Variants in AACS observed in about 807,000 individuals in gnomAD.
AACS encodes acetoacetate-CoA ligase.
AACS carries 69 observed loss-of-function variants against 83.1 expected under a neutral mutation model. The ratio of observed to expected loss-of-function variants is 0.83; its 90% CI spans 0.68 to 1.01. The LOEUF is 1.01. Among genes scored for constraint, AACS ranks in the 50% least tolerant of loss-of-function variants. The pLI is 0.00. For synonymous variants in AACS, 333 were observed against 343.4 expected (o/e 0.97, Z 0.33); for missense variants, 866 against 882.2 (o/e 0.98, Z 0.23).
At chr12:125,112,228 A>G (rs1437148327) in intron 8 of AACS, among the ~76,000 whole-genome samples, 2 of 152,264 alleles carry the variant, frequency 1.3e-5, no homozygotes, top group African/African-American at 4.8e-5. Flanking sequence ...GAAGCTTTTG[A>G]GTGCCTGGGG....
chr12:125,095,137 TC>T (rs1956579636), intron 5 of AACS, among the ~76,000 whole-genome samples: 1 of 152,128 alleles, frequency 6.6e-6, no homozygotes, highest in Non-Finnish European at 1.5e-5. Flanking sequence ...CGTATTCAGG[TC>T]AGACACATGT....
intron 8 of AACS, among the ~76,000 whole-genome samples, chr12:125,112,845 A>G (rs7954882): frequency 6.6e-6 from 1 of 152,144 alleles, no homozygotes; most frequent in Non-Finnish European, 1.5e-5. Flanking sequence ...AATGAGAACC[A>G]AATGAAATGG....
intron 2 of AACS, 60 bp from the exon 3 acceptor site, chr12:125,076,431 T>A (rs1392711514): frequency 1.4e-5 from 22 of 1,581,642 alleles, no homozygotes; most frequent in Non-Finnish European, 1.9e-5. Context: ...GTCTCATGTT[T>A]TGCTGATCTG....
At chr12:125,131,944 C>T (rs373910097) in intron 14 of AACS, among the ~76,000 whole-genome samples, 2 of 152,206 alleles carry the variant, frequency 1.3e-5, no homozygotes, top group African/African-American at 4.8e-5. Context: ...AAAGTAAAAG[C>T]AGACTTAAGA....
rs184227647 is a variant in AACS at position 125,138,089 on chromosome 12, C to T, written c.1881+1225C>T. Among the ~76,000 whole-genome samples the T allele has an allele frequency of 7.2e-5, 11 of 152,332 alleles. No individual in the cohort carries two copies. The East Asian group carries it at 1.3e-3, about 19-fold the overall frequency. ...GGGGAGAGCGCTTGCAGCACGACAA[C>T]GGTGTGCAATCCCTGATCATCCCTG... On this transcript the variant is annotated intron_variant, in intron 17 of 17. Coordinates refer to ENST00000316519, the MANE Select transcript of AACS (RefSeq NM_023928.5).
At chr12:125,141,854 TG>T (rs1319866723) in intron 17 of AACS, 3 of 501,150 alleles carry the variant, frequency 6.0e-6, no homozygotes, top group African/African-American at 2.4e-5. Flanking sequence ...CACCAGTCCT[TG>T]AAAGTGCCTT....
chr12:125,113,713 A>T lies in AACS; in HGVS notation c.916-764A>T, dbSNP rs901910874. ...TCACAATGAACAAAATGGCATTAAT[A>T]AATATGTGCCGGCATCAGCAAGAAA... On this transcript the variant is annotated intron_variant, in intron 8 of 17. Coordinates refer to ENST00000316519, the MANE Select transcript of AACS (RefSeq NM_023928.5). This position sits in a 1 kb window ranked among gnomAD's most constrained non-coding sequence, Gnocchi z 4.8. 3.3e-5 allele frequency among the ~76,000 whole-genome samples: 5 copies of T among 152,234 alleles called. No homozygotes were observed. Among genetic ancestry groups the T allele is most frequent in the African/African-American group, 1.2e-4 (5 of 41,458 alleles).
At chr12:125,070,308 CAG>C (rs1594564857) in intron 1 of AACS, among the ~76,000 whole-genome samples, 1 of 152,140 alleles carries the variant, frequency 6.6e-6, no homozygotes, top group African/African-American at 2.4e-5. Context: ...TTGGAGTTAA[CAG>C]GGGTCCAGCA....
chr12:125,098,909 G>A (rs180921519), intron 5 of AACS, among the ~76,000 whole-genome samples: 2 of 152,278 alleles, frequency 1.3e-5, no homozygotes, highest in African/African-American at 4.8e-5. Context: ...GTGTGTAGGG[G>A]GCAAACTGTT....
rs372637881 is a variant in AACS, at chr12:125,124,792, C to A, written c.1186+23C>A. 44 of 1,613,924 alleles carry A rather than the reference C, an allele frequency of 2.7e-5. No homozygotes were observed. The East Asian group carries it at 5.1e-4, about 19-fold the overall frequency. ...CGGGTGAGTGTGCCTCTTCAGTACT[C>A]ATTCCCTGTACTGCCAATCAAGGAA... On this transcript the variant is annotated intron_variant, in intron 11 of 17. Transcript: ENST00000316519.
At position 125,103,082 on chromosome 12, in the gene AACS, G is replaced by A. The variant is rs1427751693; in HGVS notation, c.767+1G>A. 2 of 1,613,400 alleles carry A rather than the reference G, an allele frequency of 1.2e-6. No individual in the cohort carries two copies. The highest frequency in any genetic ancestry group is 4.5e-5 in the East Asian group (2 of 44,884). ...TAGACCTTTCAAAGATTCCAAACAG[G>A]TAATGTACCGCATTCTGACCCACAG... On this transcript the variant is annotated splice_donor_variant, in intron 7 of 17. Coordinates refer to ENST00000316519, the MANE Select transcript of AACS (RefSeq NM_023928.5). LOFTEE classifies it high-confidence loss of function.
intron 10 of AACS, among the ~76,000 whole-genome samples, chr12:125,119,339 G>A (rs762123147): frequency 8.5e-5 from 13 of 152,198 alleles, no homozygotes; most frequent in Middle Eastern, 3.2e-3. Context: ...AGCAAAAGGA[G>A]GAAAACCGAG....
chr12:125,137,693 A>G (rs895763764), intron 17 of AACS, among the ~76,000 whole-genome samples: 6 of 152,192 alleles, frequency 3.9e-5, no homozygotes, highest in Admixed American at 2.6e-4. Context: ...TTTCATTTGC[A>G]TTGCTTACAA....
At chr12:125,114,329 C>A in intron 8 of AACS, 148 bp from the exon 9 acceptor site, 1 of 607,122 alleles carries the variant, frequency 1.6e-6, no homozygotes, top group Non-Finnish European at 2.8e-6. Context: ...GGGGGGAACC[C>A]TCCAAAGTCT....
intron 10 of AACS, 28 bp from the exon 11 acceptor site, chr12:125,124,677 G>C: frequency 6.2e-7 from 1 of 1,612,224 alleles, no homozygotes; most frequent in Non-Finnish European, 8.5e-7. Context: ...AAGAGTTTCT[G>C]GTGTTTTCTT....
chr12:125,133,849 C>T (rs574272591), intron 14 of AACS, among the ~76,000 whole-genome samples, 154 bp from the exon 15 acceptor site: 9 of 152,338 alleles, frequency 5.9e-5, no homozygotes, highest in African/African-American at 2.2e-4. Context: ...TTCCTTGGGG[C>T]AGGAACTGTC....
At chr12:125,086,115 A>G (rs1270514154) in intron 3 of AACS, among the ~76,000 whole-genome samples, 1 of 152,168 alleles carries the variant, frequency 6.6e-6, no homozygotes, top group African/African-American at 2.4e-5. Context: ...TACGCAGCAC[A>G]TGTTGTTAGT....
In AACS at chr12:125,136,762, C is replaced by T. The variant is rs150264560; in HGVS notation, c.1779C>T (p.His593=). The T allele has an allele frequency of 4.4e-5, 71 of 1,614,128 alleles. No individual in the cohort carries two copies. The African/African-American group carries it at 5.7e-4, about 13-fold the overall frequency. Reference sequence around the variant, plus strand: ...TCTTCCTGAAGATGGCCTCCGGGCACGCCTTCCAGCCTGACTTGGTTAAGA... The same window carrying T: ...TCTTCCTGAAGATGGCCTCCGGGCATGCCTTCCAGCCTGACTTGGTTAAGA... The part of the protein sequence containing the change: ...VILFLKMASG[H]AFQPDLVKRI... The change falls in exon 17 of 18, where the codon CAC becomes CAT. Residue 593 remains histidine (H), a synonymous_variant. Coordinates refer to ENST00000316519, the MANE Select transcript of AACS (RefSeq NM_023928.5).
chr12:125,072,973 G>T (rs1955916416), intron 1 of AACS, among the ~76,000 whole-genome samples: 1 of 130,334 alleles, frequency 7.7e-6, no homozygotes, highest in African/African-American at 3.0e-5. Context: ...TGTTGCCCAG[G>T]CTAGAGTGCA....
Sources: allele counts gnomAD v4.1 joint callset (sites outside exome capture counted in the v4.1 genomes callset), GRCh38; gene constraint gnomAD v4.1.1; non-coding constraint Gnocchi (gnomAD v3.1); transcripts MANE v1.5; gene names NCBI Gene and HGNC (gene_info 2026-07-23, HGNC 2026-07-21).